Variants in IQCJ observed in about 807,000 individuals in gnomAD.
The protein encoded by IQCJ is IQ domain-containing protein J.
In IQCJ, 9 loss-of-function variants were observed where a neutral mutation model predicts 11.0. The ratio of observed to expected loss-of-function variants is 0.82; its 90% CI spans 0.49 to 1.43. The LOEUF is 1.43. Ranked by LOEUF, IQCJ falls within the 40% of genes most tolerant of loss-of-function variation. The probability of loss-of-function intolerance (pLI) is 0.00; values close to 1 mark genes in which losing one functional copy is unlikely to be tolerated. For synonymous variants in IQCJ, 55 were observed against 51.3 expected (o/e 1.07, Z -0.31); for missense variants, 146 against 133.2 (o/e 1.10, Z -0.47).
intron 1 of IQCJ, among the ~76,000 whole-genome samples, chr3:159,122,685 A>C (rs1215620025): frequency 6.6e-6 from 1 of 152,230 alleles, no homozygotes; most frequent in Non-Finnish European, 1.5e-5. Context: ...TACGTGAATA[A>C]AGTGAAAATA....
intron 1 of IQCJ, among the ~76,000 whole-genome samples, chr3:159,134,045 A>G (rs1720149339): frequency 6.6e-6 from 1 of 151,842 alleles, no homozygotes; most frequent in African/African-American, 2.4e-5. Context: ...GCACTCTTAA[A>G]AGCAGAAGAA....
intron 1 of IQCJ, among the ~76,000 whole-genome samples, chr3:159,113,193 G>A (rs1718740714): frequency 6.6e-6 from 1 of 152,186 alleles, no homozygotes; most frequent in Admixed American, 6.5e-5. Flanking sequence ...TTATTGTGAA[G>A]TATAGTCTTA....
At chr3:159,084,504 A>C (rs1226819137) in intron 1 of IQCJ, among the ~76,000 whole-genome samples, 1 of 152,154 alleles carries the variant, frequency 6.6e-6, no homozygotes, top group Non-Finnish European at 1.5e-5. Context: ...TTGACCTATC[A>C]CTGTGAGACA....
chr3:159,115,612 C>A (rs574453888), intron 1 of IQCJ, among the ~76,000 whole-genome samples: 1 of 152,266 alleles, frequency 6.6e-6, no homozygotes, highest in South Asian at 2.1e-4. Context: ...TTTTGTCTGA[C>A]CAACATAGCT....
intron 1 of IQCJ, among the ~76,000 whole-genome samples, chr3:159,070,798 A>T (rs1715514942): frequency 6.6e-6 from 1 of 152,054 alleles, no homozygotes; most frequent in South Asian, 2.1e-4. Context: ...GATACTTGAA[A>T]ATGGAAGCAT....
intron 1 of IQCJ, among the ~76,000 whole-genome samples, chr3:159,233,112 T>C (rs1340379557): frequency 6.6e-6 from 1 of 152,238 alleles, no homozygotes; most frequent in Non-Finnish European, 1.5e-5. Context: ...CGATTTTTTT[T>C]GAACCCACAT....
chr3:159,174,732 T>G (rs1281702474), intron 1 of IQCJ, among the ~76,000 whole-genome samples: 2 of 152,304 alleles, frequency 1.3e-5, no homozygotes, highest in East Asian at 3.9e-4. Context: ...ACACAGAAAT[T>G]TATTCATAAT....
chr3:159,252,435 A>G (rs1727656943), intron 2 of IQCJ, among the ~76,000 whole-genome samples: 1 of 152,124 alleles, frequency 6.6e-6, no homozygotes, highest in Non-Finnish European at 1.5e-5. Context: ...TCCCCCTGAA[A>G]TTGTCCAATA....
intron 1 of IQCJ, among the ~76,000 whole-genome samples, chr3:159,226,953 G>A (rs1212946775): frequency 1.3e-5 from 2 of 152,158 alleles, no homozygotes. Context: ...CTCTAAATTT[G>A]CTTTTGTTTG....
chr3:159,241,234 C>T (rs1389880199), intron 1 of IQCJ, among the ~76,000 whole-genome samples: 2 of 151,540 alleles, frequency 1.3e-5, no homozygotes, highest in African/African-American at 2.4e-5. Flanking sequence ...ATGGTGAAAC[C>T]CCATCTCTAT....
chr3:159,172,549 A>G (rs933956717), intron 1 of IQCJ, among the ~76,000 whole-genome samples: 2 of 152,048 alleles, frequency 1.3e-5, no homozygotes, highest in African/African-American at 4.8e-5. Context: ...ACTCATTACC[A>G]TTTCTCTTTG....
chr3:159,115,828 A>G (rs535592354), intron 1 of IQCJ, among the ~76,000 whole-genome samples: 12 of 152,188 alleles, frequency 7.9e-5, no homozygotes, highest in African/African-American at 1.9e-4. Flanking sequence ...CAAACACCAC[A>G]TGTTCTCACT....
downstream of IQCJ, chr3:159,263,819 G>A: frequency 4.1e-6 from 4 of 984,912 alleles, no homozygotes; most frequent in Non-Finnish European, 4.8e-6. Flanking sequence ...AAAAGTGGCA[G>A]AAGATCCATT....
At chr3:159,260,822 C>T (rs757343099) in intron 3 of IQCJ, among the ~76,000 whole-genome samples, 3 of 151,960 alleles carry the variant, frequency 2.0e-5, no homozygotes, top group Non-Finnish European at 4.4e-5. Flanking sequence ...AAAAAAAAAA[C>T]TCTAAAAGTA....
rs754806582 is a variant in IQCJ at position 159,069,390 on chromosome 3, G to T, written c.-43G>T. On this transcript the variant is annotated 5_prime_UTR_variant, in exon 1 of 4. Coordinates refer to ENST00000397832, the MANE Select transcript of IQCJ (RefSeq NM_001042706.3). ...TGAGGAATACAGTGTGCCAGCATCC[G>T]ATCCAGTCTCCTTTCACCTGCAGGT... 1.1e-4 allele frequency: 172 copies of T among 1,596,662 alleles called. 2 individuals are homozygous for T. In the South Asian group the frequency reaches 1.4e-3, roughly 13 times the overall value.
At chr3:159,117,501 G>A (rs1719100510) in intron 1 of IQCJ, among the ~76,000 whole-genome samples, 1 of 152,112 alleles carries the variant, frequency 6.6e-6, no homozygotes, top group African/African-American at 2.4e-5. Context: ...TGAGTTCATT[G>A]TATGTACAAA....
At chr3:159,198,182 A>G (rs1185342806) in intron 1 of IQCJ, among the ~76,000 whole-genome samples, 1 of 152,216 alleles carries the variant, frequency 6.6e-6, no homozygotes, top group African/African-American at 2.4e-5. Context: ...CAATGGTTAT[A>G]GGGTAACTAG....
At chr3:159,095,410 T>G (rs1049336456) in intron 1 of IQCJ, among the ~76,000 whole-genome samples, 3 of 148,666 alleles carry the variant, frequency 2.0e-5, no homozygotes, top group Non-Finnish European at 4.4e-5. Context: ...CATGTGCACA[T>G]TGTGCAGGTT....
At chr3:159,114,430 C>T (rs907206578) in intron 1 of IQCJ, among the ~76,000 whole-genome samples, 12 of 151,962 alleles carry the variant, frequency 7.9e-5, no homozygotes, top group Non-Finnish European at 1.5e-4. Context: ...CCTGCCTCAG[C>T]CCCCCTCATA....
Sources: gnomAD v4.1 joint callset for allele counts (sites outside exome capture counted in the v4.1 genomes callset) on GRCh38, gnomAD v4.1.1 for gene constraint, MANE v1.5 for transcripts, NCBI Gene and HGNC (gene_info 2026-07-23, HGNC 2026-07-21) for gene names.